The following STAU2 variants were observed in gnomAD, a reference collection of about 807,000 sequenced individuals.
STAU2 encodes double-stranded RNA-binding protein Staufen homolog 2.
STAU2 carries 20 observed loss-of-function variants against 65.9 expected under a neutral mutation model. That is an observed-to-expected ratio of 0.30 (90% CI 0.21 to 0.44). STAU2 has a LOEUF of 0.44. Among genes scored for constraint, STAU2 ranks in the 20% least tolerant of loss-of-function variants. STAU2 has a pLI of 1.00. For synonymous variants in STAU2, 232 were observed against 233.9 expected (o/e 0.99, Z 0.07); for missense variants, 558 against 683.9 (o/e 0.82, Z 2.05).
chr8:73,423,496 G>A (rs1011110909), intron 13 of STAU2, among the ~76,000 whole-genome samples: 11 of 152,312 alleles, frequency 7.2e-5, no homozygotes, highest in African/African-American at 2.6e-4. Context: ...ACACTGCTGA[G>A]TGAGATTGGA....
intron 12 of STAU2, among the ~76,000 whole-genome samples, chr8:73,553,248 G>A (rs1384287720): frequency 6.6e-6 from 1 of 152,014 alleles, no homozygotes; most frequent in Admixed American, 6.6e-5. Context: ...AAAATTATTG[G>A]TAAGTCACCA....
intron 6 of STAU2, among the ~76,000 whole-genome samples, chr8:73,661,965 G>A (rs147307570): frequency 3.2e-4 from 49 of 152,220 alleles, no homozygotes; most frequent in African/African-American, 1.2e-3. Context: ...GAATTGCTGG[G>A]TGGTAAGATA....
intron 6 of STAU2, chr8:73,672,045 A>C (rs1019393996): frequency 7.2e-5 from 11 of 152,102 alleles, no homozygotes; most frequent in African/African-American, 2.4e-4. Flanking sequence ...AAAGAAAAGA[A>C]AAAAAAATTC....
At chr8:73,586,500 T>C (rs969639842) in intron 11 of STAU2, among the ~76,000 whole-genome samples, 1 of 152,052 alleles carries the variant, frequency 6.6e-6, no homozygotes, top group South Asian at 2.1e-4. Context: ...TGTGTCACCC[T>C]GCAAATAAGG....
chr8:73,476,493 G>A (rs147440341), intron 13 of STAU2, among the ~76,000 whole-genome samples: 4 of 152,208 alleles, frequency 2.6e-5, no homozygotes, highest in Admixed American at 2.6e-4. Flanking sequence ...CTTACTTTCT[G>A]TATTATGGGT....
chr8:73,638,596 T>A (rs1814729103), intron 6 of STAU2, among the ~76,000 whole-genome samples: 1 of 151,696 alleles, frequency 6.6e-6, no homozygotes, highest in Non-Finnish European at 1.5e-5. Context: ...CCACTAAAGT[T>A]CTAGACTTAA....
At chr8:73,472,628 A>AT (rs201517637) in intron 13 of STAU2, among the ~76,000 whole-genome samples, 44 of 150,830 alleles carry the variant, frequency 2.9e-4, no homozygotes, top group East Asian at 7.8e-4. Flanking sequence ...TGCCAAAGAA[A>AT]TTTTTTTTTT....
chr8:73,588,496 C>G (rs556957631), intron 11 of STAU2, among the ~76,000 whole-genome samples: 10 of 152,158 alleles, frequency 6.6e-5, no homozygotes, highest in African/African-American at 2.4e-4. Context: ...AGGAATGCAG[C>G]TGGTTAATGG....
At position 73,605,878 on chromosome 8, in the gene STAU2, T is replaced by TAC. The variant is rs58486426; in HGVS notation, c.892-2017_892-2016dup. Among the ~76,000 whole-genome samples, 113 of 117,794 alleles carry TAC rather than the reference T, an allele frequency of 9.6e-4. 1 individual carries two copies. The highest frequency in any genetic ancestry group is 3.3e-3 in the African/African-American group (102 of 31,322). The allele number at this position is 117,794 out of a possible 152,430, so 77.3% of individuals were successfully genotyped here. On this transcript the variant is annotated intron_variant, in intron 9 of 14. Coordinates refer to ENST00000524300, the MANE Select transcript of STAU2 (RefSeq NM_001164380.2). The stretch of plus-strand genomic sequence containing the variant: ...ACACACACACACACACACACACACA[T>TAC]ACACACACACACACACACACACACA...
At chr8:73,582,176 A>G (rs1810034778) in intron 12 of STAU2, among the ~76,000 whole-genome samples, 1 of 152,190 alleles carries the variant, frequency 6.6e-6, no homozygotes, top group Non-Finnish European at 1.5e-5. Flanking sequence ...AGTGTTTGAC[A>G]ATACTGTAAG....
chr8:73,479,500 T>A (rs115523604), intron 13 of STAU2, among the ~76,000 whole-genome samples: 39 of 51,328 alleles, frequency 7.6e-4, no homozygotes, highest in Admixed American at 6.7e-3. Context: ...ACACACACAC[T>A]CTCATACAAT....
At chr8:73,491,933 C>T (rs1821174018) in intron 13 of STAU2, among the ~76,000 whole-genome samples, 1 of 151,744 alleles carries the variant, frequency 6.6e-6, no homozygotes, top group African/African-American at 2.4e-5. Flanking sequence ...AGAGAAGAAA[C>T]CATTAAACTG....
At chr8:73,470,069 A>G (rs1209256603) in intron 13 of STAU2, among the ~76,000 whole-genome samples, 1 of 152,158 alleles carries the variant, frequency 6.6e-6, no homozygotes, top group Non-Finnish European at 1.5e-5. Flanking sequence ...TTTCTTTTTA[A>G]ACAGTGGGTA....
intron 12 of STAU2, 98 bp downstream of exon 12, chr8:73,582,672 C>T: frequency 9.4e-7 from 1 of 1,068,044 alleles, no homozygotes; most frequent in Non-Finnish European, 1.4e-6. Context: ...CTTAACACAG[C>T]CTCTCAGACC....
chr8:73,462,592 C>T (rs1819426627), intron 13 of STAU2, among the ~76,000 whole-genome samples: 1 of 151,578 alleles, frequency 6.6e-6, no homozygotes, highest in South Asian at 2.1e-4. Context: ...GAGAAAGGGT[C>T]TCCCCATGTT....
chr8:73,697,044 GTTGTTTTGTTTTGTT>G (rs59831190), intron 4 of STAU2, among the ~76,000 whole-genome samples: 1 of 151,186 alleles, frequency 6.6e-6, no homozygotes, highest in African/African-American at 2.4e-5. Flanking sequence ...GCAGACTTTT[GTTGTTTTGTTTTGTT>G]TTGTTTTGTT....
chr8:73,533,847 T>C (rs538455612), intron 13 of STAU2, among the ~76,000 whole-genome samples: 91 of 152,314 alleles, frequency 6.0e-4, no homozygotes, highest in Admixed American at 1.3e-3. Context: ...TTAAATTTCC[T>C]ACCCCCAGCT....
intron 13 of STAU2, among the ~76,000 whole-genome samples, chr8:73,430,663 T>G (rs1320588744): frequency 6.6e-6 from 1 of 152,216 alleles, no homozygotes; most frequent in African/African-American, 2.4e-5. Flanking sequence ...TGTAGTGGCT[T>G]TGTGAACAAA....
chr8:73,597,714 C>T (rs945383725), intron 10 of STAU2, among the ~76,000 whole-genome samples: 5 of 139,454 alleles, frequency 3.6e-5, no homozygotes, highest in African/African-American at 1.3e-4. Flanking sequence ...AGAGCAATTT[C>T]ATGCTAAAAT....
Sources: gnomAD v4.1 joint callset for allele counts (sites outside exome capture counted in the v4.1 genomes callset) on GRCh38, gnomAD v4.1.1 for gene constraint, MANE v1.5 for transcripts, NCBI Gene and HGNC (gene_info 2026-07-23, HGNC 2026-07-21) for gene names.